FCHO2: variants seen among roughly 807,000 people sequenced by gnomAD.
FCHO2 encodes FCH and mu domain containing endocytic adaptor 2.
FCHO2 carries 43 observed loss-of-function variants against 114.1 expected under a neutral mutation model. The ratio of observed to expected loss-of-function variants is 0.38; its 90% CI spans 0.30 to 0.49. The LOEUF (loss-of-function observed/expected upper bound fraction) is 0.49, where lower values mean the gene tolerates loss of function less well. FCHO2 is among the 20% of genes least tolerant of loss of function. The pLI, the probability that FCHO2 is intolerant of heterozygous loss-of-function variation, is 0.97. For missense variants in FCHO2, 807 were observed against 950.4 expected (o/e 0.85, Z 1.98); for synonymous variants, 293 against 315.2 (o/e 0.93, Z 0.75).
chr5:73,054,970 T>C (rs1295442790), intron 15 of FCHO2: 2 of 220,456 alleles, frequency 9.1e-6, no homozygotes, highest in Non-Finnish European at 1.9e-5. Context: ...TTTTCTAAGG[T>C]GCTAATACCT....
intron 5 of FCHO2, 114 bp downstream of exon 5, chr5:72,990,978 T>TAAG: frequency 8.4e-7 from 1 of 1,183,564 alleles, no homozygotes; most frequent in Non-Finnish European, 1.2e-6. Context: ...GAAGACACTG[T>TAAG]GCCTTACAGT....
At chr5:73,024,509 G>A (rs1755810811) in intron 8 of FCHO2, among the ~76,000 whole-genome samples, 1 of 151,654 alleles carries the variant, frequency 6.6e-6, no homozygotes, top group East Asian at 1.9e-4. Flanking sequence ...GCATGGTCTT[G>A]GCTCACTGAA....
In FCHO2 at chr5:72,959,138, T is replaced by C. The variant is rs189648911; in HGVS notation, c.33+3009T>C. Among the ~76,000 whole-genome samples the C allele has an allele frequency of 3.2e-3, 482 of 152,324 alleles. 2 individuals are homozygous for C. In the Middle Eastern group the frequency reaches 0.034, roughly 11 times the overall value. Reference sequence around the variant, plus strand: ...TTTTATTTTATTTCCTGGCTTGGAATTGGGGCTGTGAGGAGGCTCAGTGAG... The same window carrying C: ...TTTTATTTTATTTCCTGGCTTGGAACTGGGGCTGTGAGGAGGCTCAGTGAG... On this transcript the variant is annotated intron_variant, in intron 1 of 25. Transcript: ENST00000430046.
chr5:73,054,792 A>G (rs1245656880), intron 15 of FCHO2, among the ~76,000 whole-genome samples: 2 of 152,200 alleles, frequency 1.3e-5, no homozygotes, highest in African/African-American at 2.4e-5. Flanking sequence ...ACCAAAGCCA[A>G]AAAGTAACTT....
Position 73,041,312 on chromosome 5 carries a change from A to G in FCHO2, c.936A>G (p.Ser312=). The change falls in exon 11 of 26, where the codon TCA becomes TCG. Residue 312 remains serine, a synonymous_variant. Coordinates refer to ENST00000430046, the MANE Select transcript of FCHO2 (RefSeq NM_138782.3). ...ATAGGGAATGTCCTGATGCAGATTC[A>G]TTGGTAAGTAGATTTAACTTTGATA... is the stretch of plus-strand genomic sequence containing the variant. ...AESVECPDAD[S]LNIPDVDEEG... 6.8e-7 allele frequency: 1 copy of G among 1,474,988 alleles called. No individual in the cohort carries two copies. Among genetic ancestry groups the G allele is most frequent in the South Asian group, 1.2e-5 (1 of 86,526 alleles). The allele number at this position is 1,474,988 out of a possible 1,614,324, so 91.4% of individuals were successfully genotyped here.
intron 13 of FCHO2, among the ~76,000 whole-genome samples, chr5:73,053,316 C>T (rs1757418843): frequency 6.6e-6 from 1 of 152,092 alleles, no homozygotes; most frequent in African/African-American, 2.4e-5. Flanking sequence ...TTTCTTCCTA[C>T]CAAAAATATT....
intron 2 of FCHO2, among the ~76,000 whole-genome samples, chr5:72,971,475 G>A (rs920619825): frequency 6.6e-6 from 1 of 152,190 alleles, no homozygotes; most frequent in Non-Finnish European, 1.5e-5. Context: ...TTTTTCATGT[G>A]TTTTTTGGCT....
At chr5:73,051,278 C>T in intron 11 of FCHO2, 71 bp from the exon 12 acceptor site, 1 of 1,045,646 alleles carries the variant, frequency 9.6e-7, no homozygotes, top group Non-Finnish European at 1.4e-6. Flanking sequence ...ATACCTGAGG[C>T]TACTTTGATA....
At chr5:72,957,858 A>C (rs931321468) in intron 1 of FCHO2, among the ~76,000 whole-genome samples, 3 of 152,132 alleles carry the variant, frequency 2.0e-5, no homozygotes, top group South Asian at 2.1e-4. Context: ...TTTTATTATA[A>C]TATAGTGAGT....
chr5:73,028,510 A>G (rs950527032), intron 8 of FCHO2, among the ~76,000 whole-genome samples: 1 of 152,168 alleles, frequency 6.6e-6, no homozygotes, highest in African/African-American at 2.4e-5. Context: ...AAATTGTAGT[A>G]TTTCCATGCA....
At chr5:72,986,552 G>C (rs1235029533) in intron 2 of FCHO2, among the ~76,000 whole-genome samples, 2 of 152,074 alleles carry the variant, frequency 1.3e-5, no homozygotes, top group African/African-American at 4.8e-5. Flanking sequence ...TGCCCCTTAA[G>C]TTTTCTAATG....
intron 5 of FCHO2, among the ~76,000 whole-genome samples, chr5:72,992,608 AG>A: frequency 6.6e-6 from 1 of 151,144 alleles, no homozygotes; most frequent in African/African-American, 2.5e-5. Context: ...TAGGGAGAAA[AG>A]AAGGCTCTTG....
intron 6 of FCHO2, among the ~76,000 whole-genome samples, chr5:73,007,485 T>G (rs893276758): frequency 1.3e-5 from 2 of 152,242 alleles, no homozygotes; most frequent in African/African-American, 4.8e-5. Flanking sequence ...TTAGAATAGT[T>G]CCCAGATCAT....
At chr5:72,972,965 G>T (rs1410881647) in intron 2 of FCHO2, among the ~76,000 whole-genome samples, 1 of 152,134 alleles carries the variant, frequency 6.6e-6, no homozygotes, top group African/African-American at 2.4e-5. Flanking sequence ...ATAATCATGT[G>T]GTTTTTGTCT....
chr5:73,024,179 C>T (rs1039874969), intron 8 of FCHO2, among the ~76,000 whole-genome samples: 2 of 152,160 alleles, frequency 1.3e-5, no homozygotes, highest in East Asian at 3.9e-4. Context: ...GCCACCTGAG[C>T]TTCCCAAGTA....
chr5:72,987,568 C>T (rs1472561110), intron 2 of FCHO2, among the ~76,000 whole-genome samples: 3 of 151,906 alleles, frequency 2.0e-5, no homozygotes, highest in South Asian at 2.1e-4. Context: ...GAACTCCTGA[C>T]CTCAGGTGAT....
chr5:73,046,055 T>C (rs1757037829), intron 11 of FCHO2, among the ~76,000 whole-genome samples: 1 of 152,266 alleles, frequency 6.6e-6, no homozygotes, highest in South Asian at 2.1e-4. Context: ...TGGTTGTTTA[T>C]GGTGGTTTTT....
At chr5:73,049,005 T>C (rs1446063244) in intron 11 of FCHO2, among the ~76,000 whole-genome samples, 1 of 149,956 alleles carries the variant, frequency 6.7e-6, no homozygotes, top group Non-Finnish European at 1.5e-5. Context: ...GCCTCCCGAG[T>C]AGCTGGGACT....
At chr5:73,015,369 T>C (rs1421286379) in intron 6 of FCHO2, among the ~76,000 whole-genome samples, 1 of 151,796 alleles carries the variant, frequency 6.6e-6, no homozygotes, top group Non-Finnish European at 1.5e-5. Flanking sequence ...TTCAAATGAT[T>C]CTCCTGCCTC....
Sources: gnomAD v4.1 joint callset for allele counts (sites outside exome capture counted in the v4.1 genomes callset) on GRCh38, gnomAD v4.1.1 for gene constraint, MANE v1.5 for transcripts, NCBI Gene and HGNC (gene_info 2026-07-23, HGNC 2026-07-21) for gene names.